The following AKAP12 variants were observed in gnomAD, a reference collection of about 807,000 sequenced individuals.
AKAP12 encodes the protein A-kinase anchoring protein 12, also known as A-kinase anchor protein 12.
AKAP12 carries 32 observed loss-of-function variants against 79.9 expected under a neutral mutation model. The observed-to-expected ratio is 0.40, with a 90% CI of 0.30 to 0.54. The LOEUF (loss-of-function observed/expected upper bound fraction) is 0.54. Among genes scored for constraint, AKAP12 ranks in the 20% least tolerant of loss-of-function variants. AKAP12 has a pLI of 0.48. For synonymous variants in AKAP12, 808 were observed against 857.0 expected (o/e 0.94, Z 1.00); for missense variants, 2,074 against 2,177.0 (o/e 0.95, Z 0.94).
chr6:151,349,869 C>G lies in AKAP12; in HGVS notation c.1478C>G (p.Pro493Arg). Residue 493 changes from proline (P) to arginine (R), a missense_variant, in exon 4 of 5, where the codon CCC (proline) becomes CGC (arginine). Coordinates refer to ENST00000402676, the MANE Select transcript of AKAP12 (RefSeq NM_005100.4). Reference protein sequence around the residue: ...SPDEKVLSKPPEGVVSEVEML... With the variant: ...SPDEKVLSKPREGVVSEVEML... The stretch of plus-strand genomic sequence containing the variant: ...GATGAGAAGGTGCTGTCCAAACCCC[C>G]CGAAGGCGTTGTGAGTGAGGTGGAA... 1.2e-6 allele frequency: 2 copies of G among 1,614,106 alleles called. No individual in the cohort carries two copies. Among genetic ancestry groups the G allele is most frequent in the South Asian group, 1.1e-5 (1 of 91,078 alleles).
chr6:151,324,698 G>A, intron 3 of AKAP12: 1 of 985,386 alleles, frequency 1.0e-6, no homozygotes, highest in African/African-American at 1.7e-5. Flanking sequence ...AATAGGGAAA[G>A]GATGAAAGAA....
chr6:151,268,153 C>G (rs1776092124), intron 2 of AKAP12, among the ~76,000 whole-genome samples: 1 of 152,230 alleles, frequency 6.6e-6, no homozygotes, highest in South Asian at 2.1e-4. Flanking sequence ...TGGCTCATGC[C>G]TGTAATCCCA....
intron 2 of AKAP12, among the ~76,000 whole-genome samples, chr6:151,244,182 C>G (rs1377154902): frequency 6.6e-6 from 1 of 152,144 alleles, no homozygotes; most frequent in South Asian, 2.1e-4. Flanking sequence ...ATAGAAGAGT[C>G]CGTTGTCTGA....
chr6:151,317,003 G>A (rs1777252130), intron 3 of AKAP12, among the ~76,000 whole-genome samples: 1 of 152,188 alleles, frequency 6.6e-6, no homozygotes, highest in African/African-American at 2.4e-5. Flanking sequence ...TTCGTTAAAG[G>A]CCCTGTCTCC....
At chr6:151,278,347 C>G (rs1462919362) in intron 2 of AKAP12, among the ~76,000 whole-genome samples, 1 of 152,072 alleles carries the variant, frequency 6.6e-6, no homozygotes, top group African/African-American at 2.4e-5. Context: ...TCCCAAGTAG[C>G]TGGGATTGCA....
Position 151,348,948 on chromosome 6 carries a change from A to T in AKAP12, c.557A>T (p.Lys186Ile), listed in dbSNP as rs1778191524. 6.2e-7 allele frequency: 1 copy of T among 1,614,016 alleles called. No individual in the cohort carries two copies. Among genetic ancestry groups the T allele is most frequent in the Non-Finnish European group, 8.5e-7 (1 of 1,180,034 alleles). The change falls in exon 4 of 5, where the codon AAA becomes ATA. Residue 186 changes from lysine to isoleucine, a missense_variant. Lys to Ile is a moderately radical substitution (Grantham distance 102). Coordinates refer to ENST00000402676, the MANE Select transcript of AKAP12 (RefSeq NM_005100.4). Reference protein sequence around the residue: ...FKFVGFKFTVKKDKTEKPDTV... With the variant: ...FKFVGFKFTVIKDKTEKPDTV... ...TTTGTTGGCTTTAAATTCACTGTGAAAAAGGATAAGACAGAGAAGCCTGAC... is the reference window on the plus strand; with the variant it reads ...TTTGTTGGCTTTAAATTCACTGTGATAAAGGATAAGACAGAGAAGCCTGAC...
chr6:151,273,857 C>G (rs1776239239), intron 2 of AKAP12, among the ~76,000 whole-genome samples: 1 of 151,928 alleles, frequency 6.6e-6, no homozygotes, highest in East Asian at 2.0e-4. Context: ...GTGAAAACTC[C>G]GTCTCTACTA....
chr6:151,260,506 T>A (rs1311676338), intron 2 of AKAP12, among the ~76,000 whole-genome samples: 1 of 152,188 alleles, frequency 6.6e-6, no homozygotes, highest in Non-Finnish European at 1.5e-5. Context: ...TCCTAGGTAT[T>A]TCAGGATGTA....
At chr6:151,296,525 C>G (rs867130317) in intron 2 of AKAP12, among the ~76,000 whole-genome samples, 3 of 152,136 alleles carry the variant, frequency 2.0e-5, no homozygotes, top group African/African-American at 7.2e-5. Context: ...GCCTGAAATC[C>G]CAACACCTTA....
At chr6:151,272,451 TCTGTTTTTCGTACTCCCTTTGCCTTC>T (rs1776204424) in intron 2 of AKAP12, among the ~76,000 whole-genome samples, 1 of 152,002 alleles carries the variant, frequency 6.6e-6, no homozygotes, top group African/African-American at 2.4e-5. Context: ...CCTTTGCCTT[TCTGTTTTTCGTACTCCCTTTGCCTTC>T]CTGTTTTTCA....
At chr6:151,289,668 G>T (rs1230993873) in intron 2 of AKAP12, among the ~76,000 whole-genome samples, 1 of 152,130 alleles carries the variant, frequency 6.6e-6, no homozygotes, top group Non-Finnish European at 1.5e-5. Context: ...AAATAAGAAA[G>T]AAAAGAAACT....
intron 3 of AKAP12, among the ~76,000 whole-genome samples, chr6:151,340,832 T>G (rs1777925942): frequency 6.6e-6 from 1 of 152,152 alleles, no homozygotes; most frequent in Admixed American, 6.5e-5. Context: ...AGAACGTCCT[T>G]CATTGTGGAT....
At chr6:151,267,655 A>G (rs779573181) in intron 2 of AKAP12, among the ~76,000 whole-genome samples, 29 of 152,182 alleles carry the variant, frequency 1.9e-4, no homozygotes, top group Non-Finnish European at 3.4e-4. Flanking sequence ...AACAAACAAC[A>G]AGATTTTGTG....
chr6:151,330,563 G>A (rs1465894308), intron 3 of AKAP12, among the ~76,000 whole-genome samples: 1 of 152,096 alleles, frequency 6.6e-6, no homozygotes, highest in Admixed American at 6.6e-5. Flanking sequence ...GCCTGGGGAT[G>A]GGGAGCACTG....
At chr6:151,318,525 T>C (rs1260218730) in intron 3 of AKAP12, among the ~76,000 whole-genome samples, 2 of 152,264 alleles carry the variant, frequency 1.3e-5, no homozygotes, top group Non-Finnish European at 2.9e-5. Flanking sequence ...TCATCCCTTA[T>C]GTAGCTCATG....
intron 2 of AKAP12, among the ~76,000 whole-genome samples, chr6:151,291,127 T>C (rs1776609885): frequency 6.6e-6 from 1 of 152,152 alleles, no homozygotes; most frequent in Non-Finnish European, 1.5e-5. Flanking sequence ...ACCTGTCAGG[T>C]TCCCTTGGTC....
At chr6:151,329,427 C>T (rs1292473143) in intron 3 of AKAP12, among the ~76,000 whole-genome samples, 1 of 152,182 alleles carries the variant, frequency 6.6e-6, no homozygotes, top group Non-Finnish European at 1.5e-5. Flanking sequence ...TTGAATTAAG[C>T]AAGTATCTTT....
chr6:151,269,083 G>C (rs1332869975), intron 2 of AKAP12, among the ~76,000 whole-genome samples: 1 of 148,766 alleles, frequency 6.7e-6, no homozygotes. Flanking sequence ...AAATCTCATG[G>C]TCAAGATGAA....
At chr6:151,311,523 C>T (rs58460719) in intron 3 of AKAP12, among the ~76,000 whole-genome samples, 2,643 of 152,124 alleles carry the variant, frequency 0.017, 73 homozygotes, top group African/African-American at 0.06. Context: ...CCCCCACCCC[C>T]GGGGAAAAAT....
Sources: gnomAD v4.1 joint callset for allele counts (sites outside exome capture counted in the v4.1 genomes callset) on GRCh38, gnomAD v4.1.1 for gene constraint, MANE v1.5 for transcripts, NCBI Gene and HGNC (gene_info 2026-07-23, HGNC 2026-07-21) for gene names.